OPRM1: variants seen among roughly 807,000 people sequenced by gnomAD.
OPRM1 encodes opioid receptor mu 1.
OPRM1 carries 27 observed loss-of-function variants against 31.8 expected under a neutral mutation model. The ratio of observed to expected loss-of-function variants is 0.85; its 90% CI spans 0.63 to 1.17. OPRM1 has a LOEUF of 1.17. Among genes scored for constraint, OPRM1 ranks in the 50% most tolerant of loss-of-function variants. The probability of loss-of-function intolerance (pLI) is 0.00; values close to 1 mark genes in which losing one functional copy is unlikely to be tolerated. For synonymous variants in OPRM1, 196 were observed against 189.9 expected, an observed-to-expected ratio of 1.03 and a Z score of -0.26; for missense variants, 536 against 511.1, an observed-to-expected ratio of 1.05 and a Z score of -0.47.
At chr6:154,171,382 G>A (rs990612342) in intron 3 of OPRM1, among the ~76,000 whole-genome samples, 14 of 152,090 alleles carry the variant, frequency 9.2e-5, no homozygotes, top group African/African-American at 3.4e-4. Context: ...ACCACATATT[G>A]CGTGATTCCA....
intron 3 of OPRM1, among the ~76,000 whole-genome samples, chr6:154,233,101 T>C (rs996469360): frequency 2.7e-4 from 41 of 151,946 alleles, no homozygotes; most frequent in African/African-American, 9.2e-4. Flanking sequence ...CCCAAGTAGC[T>C]GGGGTTACAG....
intron 3 of OPRM1, among the ~76,000 whole-genome samples, chr6:154,211,192 G>A (rs868053427): frequency 2.2e-4 from 33 of 152,114 alleles, no homozygotes; most frequent in Non-Finnish European, 3.7e-4. Flanking sequence ...CGAGGCAGGC[G>A]GATCATGAGG....
At chr6:154,081,363 A>G (rs11757460) in intron 1 of OPRM1, among the ~76,000 whole-genome samples, 5 of 152,142 alleles carry the variant, frequency 3.3e-5, no homozygotes, top group Non-Finnish European at 5.9e-5. Context: ...AAAAGTAGCC[A>G]GGCGTGGTGG....
At chr6:154,240,724 C>T (rs189980865) in intron 3 of OPRM1, among the ~76,000 whole-genome samples, 9 of 152,338 alleles carry the variant, frequency 5.9e-5, no homozygotes, top group Non-Finnish European at 1.0e-4. Flanking sequence ...CTGAAATTCA[C>T]ATGAAGTGTG....
chr6:154,174,793 A>G lies in OPRM1; in HGVS notation c.1165-71900A>G, dbSNP rs918367257. Among the ~76,000 whole-genome samples, 23 of 152,332 alleles carry G rather than the reference A, an allele frequency of 1.5e-4. 1 individual carries two copies. Among genetic ancestry groups the G allele is most frequent in the Admixed American group, 3.3e-4 (5 of 15,300 alleles). On this transcript the variant is annotated intron_variant, in intron 3 of 3. Transcript: ENST00000337049. ...CAGAAAATTAACAAGGATATCCAGG[A>G]CTTGAACTCAGTTCTGAACCAAGCA...
At chr6:154,060,428 AAATGGTT>A (rs1000578822) in intron 1 of OPRM1, among the ~76,000 whole-genome samples, 1 of 152,170 alleles carries the variant, frequency 6.6e-6, no homozygotes, top group Non-Finnish European at 1.5e-5. Flanking sequence ...TTTGCTTCTC[AAATGGTT>A]AATGGGGTCA....
At chr6:154,093,201 T>A in intron 3 of OPRM1, 2 of 1,409,594 alleles carry the variant, frequency 1.4e-6, no homozygotes, top group East Asian at 4.6e-5. Flanking sequence ...AATATTTTGC[T>A]TTGAAGTAAA....
At chr6:154,018,332 A>G (rs947721582) in intron 1 of OPRM1, among the ~76,000 whole-genome samples, 1 of 152,120 alleles carries the variant, frequency 6.6e-6, no homozygotes, top group Non-Finnish European at 1.5e-5. Flanking sequence ...AGGAACGAGA[A>G]TCACTTGAAC....
intron 3 of OPRM1, among the ~76,000 whole-genome samples, chr6:154,227,461 G>A (rs1015070674): frequency 6.6e-6 from 1 of 152,116 alleles, no homozygotes; most frequent in Non-Finnish European, 1.5e-5. Context: ...GCTCACGCCT[G>A]TAATCCCAAC....
intron 1 of OPRM1, among the ~76,000 whole-genome samples, chr6:154,078,881 AG>A (rs1554266127): frequency 7.0e-6 from 1 of 143,300 alleles, no homozygotes; most frequent in African/African-American, 2.8e-5. Context: ...TTATGTCAGG[AG>A]GGGGAAAAAA....
chr6:154,235,594 C>T (rs1050513889), intron 3 of OPRM1, among the ~76,000 whole-genome samples: 1 of 148,496 alleles, frequency 6.7e-6, no homozygotes, highest in Non-Finnish European at 1.5e-5. Flanking sequence ...ACAGTCAGTA[C>T]AACACATAAT....
At chr6:154,044,005 C>T (rs1780602890) in intron 1 of OPRM1, among the ~76,000 whole-genome samples, 1 of 152,106 alleles carries the variant, frequency 6.6e-6, no homozygotes, top group Non-Finnish European at 1.5e-5. Context: ...TCTTCTCTCT[C>T]TCTTTTCTTT....
intron 3 of OPRM1, among the ~76,000 whole-genome samples, chr6:154,210,264 T>A (rs948593742): frequency 6.6e-5 from 10 of 152,168 alleles, no homozygotes; most frequent in Middle Eastern, 3.2e-3. Context: ...TTTGCCATTA[T>A]AAAACTGAAA....
downstream of OPRM1, among the ~76,000 whole-genome samples, chr6:154,136,067 G>A (rs779476162): frequency 2.0e-5 from 3 of 152,078 alleles, no homozygotes; most frequent in Non-Finnish European, 4.4e-5. Context: ...GGCGTGATTC[G>A]GCTCTGCCTC....
chr6:154,109,003 T>C (rs1237193437), intron 3 of OPRM1: 1 of 985,022 alleles, frequency 1.0e-6, no homozygotes, highest in African/African-American at 1.7e-5. Context: ...AATATGATGA[T>C]AAAAGCCATC....
Position 154,020,861 on chromosome 6 carries a change from A to G in OPRM1, c.-1+9843A>G, listed in dbSNP as rs180871797. On this transcript the variant is annotated intron_variant, in intron 1 of 5. Transcript: ENST00000434900. Reference sequence around the variant, plus strand: ...GGTAAGTTTTTAGAGTACTTTGGACACCAACCTTTATCAAAAGTATTTTGC... The same window carrying G: ...GGTAAGTTTTTAGAGTACTTTGGACGCCAACCTTTATCAAAAGTATTTTGC... Among the ~76,000 whole-genome samples the G allele has an allele frequency of 1.5e-4, 23 of 152,348 alleles. No homozygotes were observed. The East Asian group carries it at 3.9e-3, about 26-fold the overall frequency.
At position 154,235,074 on chromosome 6, in the gene OPRM1, G is replaced by C. The variant is rs115943385; in HGVS notation, c.1165-11619G>C. ...TGAAGGAAAGCTTTTAAATGAATCA[G>C]AAGAAATTTGATAAAATCTCACCAT... On this transcript the variant is annotated intron_variant, in intron 3 of 3. Transcript: ENST00000337049. Among the ~76,000 whole-genome samples, 1,199 of 152,306 alleles carry C rather than the reference G, an allele frequency of 7.9e-3. 20 individuals are homozygous for C. The highest frequency in any genetic ancestry group is 0.027 in the African/African-American group (1,137 of 41,562).
Position 154,149,597 on chromosome 6 carries a change from CGTGT to C in OPRM1, c.1164+58145_1164+58148del, listed in dbSNP as rs59431090. On this transcript the variant is annotated intron_variant, in intron 3 of 3. Coordinates refer to the OPRM1 transcript ENST00000337049. ...AGCCTTCTGCATATCCATTCTGGAT[CGTGT>C]GTGTGTGTGTGTGTGTGTGCGCGCG... Among the ~76,000 whole-genome samples the C allele has an allele frequency of 7.5e-3, 1,112 of 148,382 alleles. 8 individuals are homozygous for C. The highest frequency in any genetic ancestry group is 0.026 in the African/African-American group (1,042 of 40,194).
intron 1 of OPRM1, among the ~76,000 whole-genome samples, chr6:154,016,538 G>A (rs1333196760): frequency 6.6e-6 from 1 of 152,102 alleles, no homozygotes; most frequent in African/African-American, 2.4e-5. Flanking sequence ...AGTGAGTAAA[G>A]AGTAGCTAAA....
Sources: allele counts gnomAD v4.1 joint callset (sites outside exome capture counted in the v4.1 genomes callset), GRCh38; gene constraint gnomAD v4.1.1; transcripts MANE v1.5; gene names NCBI Gene and HGNC (gene_info 2026-07-23, HGNC 2026-07-21).